Variants in SRGAP2B observed in about 807,000 individuals in gnomAD.
The protein encoded by SRGAP2B is SLIT-ROBO Rho GTPase activating protein 2B, also known as SLIT-ROBO Rho GTPase-activating protein 2B.
A neutral mutation model predicts 22.2 loss-of-function variants in SRGAP2B; 9 were observed. That is an observed-to-expected ratio of 0.41 (90% CI 0.24 to 0.71). The LOEUF is 0.71. Among genes scored for constraint, SRGAP2B ranks in the 30% least tolerant of loss-of-function variants. SRGAP2B has a pLI of 0.35. For missense variants in SRGAP2B, 114 were observed against 235.8 expected, an observed-to-expected ratio of 0.48 and a Z score of 3.38; for synonymous variants, 36 against 87.4, an observed-to-expected ratio of 0.41 and a Z score of 3.28.
In SRGAP2B at chr1:145,016,891, C is replaced by T. The variant is rs587730939; in HGVS notation, c.68-21691G>A. Among the ~76,000 whole-genome samples, 224 of 149,246 alleles carry T rather than the reference C, an allele frequency of 1.5e-3. 3 individuals carry two copies. The highest frequency in any genetic ancestry group is 3.1e-3 in the Admixed American group (46 of 15,048). ...TGAGACGGAGTCTCACTCTGTCGCC[C>T]AGGCTGGAGTGCAGTGGTGCGATCT... On this transcript the variant is annotated intron_variant, in intron 2 of 9. Transcript: ENST00000612199.
intron 2 of SRGAP2B, among the ~76,000 whole-genome samples, chr1:145,063,490 G>A (rs1651137430): frequency 7.2e-6 from 1 of 138,514 alleles, no homozygotes; most frequent in South Asian, 2.5e-4. Flanking sequence ...AATGAGAAGT[G>A]ATTAAGGGCT....
intron 4 of SRGAP2B, among the ~76,000 whole-genome samples, chr1:144,943,996 C>A (rs1482872353): frequency 6.7e-6 from 1 of 149,664 alleles, no homozygotes; most frequent in Non-Finnish European, 1.5e-5. Context: ...CCATGGAAAC[C>A]CCAGAAAGGC....
chr1:145,025,922 G>C (rs1309133970), intron 2 of SRGAP2B, among the ~76,000 whole-genome samples: 4 of 150,192 alleles, frequency 2.7e-5, no homozygotes. Context: ...CAATGGTCTG[G>C]GGGTACCTAC....
chr1:145,010,718 T>C (rs1671991176), intron 2 of SRGAP2B, among the ~76,000 whole-genome samples: 1 of 150,670 alleles, frequency 6.6e-6, no homozygotes, highest in South Asian at 2.1e-4. Flanking sequence ...TGTTTATGTG[T>C]ACCAAATGTT....
At chr1:144,908,732 ATATT>A (rs1223975782) in intron 5 of SRGAP2B, among the ~76,000 whole-genome samples, 1 of 141,254 alleles carries the variant, frequency 7.1e-6, no homozygotes, top group African/African-American at 2.7e-5. Context: ...TTATAAATAT[ATATT>A]TATAGTCAAG....
rs1239141639 is a variant in SRGAP2B, at chr1:144,967,516, C to T, written c.261-11915G>A. 3.7e-3 allele frequency among the ~76,000 whole-genome samples: 552 copies of T among 148,278 alleles called. 7 individuals are homozygous for T. Among genetic ancestry groups the T allele is most frequent in the Middle Eastern group, 6.8e-3 (2 of 292 alleles). Reference sequence around the variant, plus strand: ...AGTGTGTAGAGGGAAATTTATAGCACTAAATCCCCACAAGAGAAAGCAGGA... The same window carrying T: ...AGTGTGTAGAGGGAAATTTATAGCATTAAATCCCCACAAGAGAAAGCAGGA... On this transcript the variant is annotated intron_variant, in intron 3 of 9. Transcript: ENST00000612199.
intron 4 of SRGAP2B, among the ~76,000 whole-genome samples, chr1:144,939,783 G>C (rs1215103621): frequency 1.4e-5 from 2 of 145,974 alleles, no homozygotes; most frequent in Non-Finnish European, 3.0e-5. Context: ...CTGACTCTGA[G>C]AGCAGCAAAA....
intron 2 of SRGAP2B, among the ~76,000 whole-genome samples, chr1:145,036,069 A>G (rs1357623569): frequency 7.2e-5 from 10 of 138,920 alleles, no homozygotes; most frequent in Admixed American, 7.1e-4. Flanking sequence ...CCACTAAGAC[A>G]CAACCACCCA....
At chr1:145,036,393 C>A (rs1553626658) in intron 2 of SRGAP2B, among the ~76,000 whole-genome samples, 1 of 140,166 alleles carries the variant, frequency 7.1e-6, no homozygotes, top group Admixed American at 7.2e-5. Context: ...AAAGAGAGTG[C>A]CTTCCTTTGC....
At chr1:144,990,711 TGG>T (rs1193754592) in intron 3 of SRGAP2B, among the ~76,000 whole-genome samples, 1 of 150,774 alleles carries the variant, frequency 6.6e-6, no homozygotes, top group South Asian at 2.1e-4. Context: ...GAGTTCCGGG[TGG>T]GCTTGGGCTT....
At chr1:144,970,798 A>AT (rs1451746962) in intron 3 of SRGAP2B, among the ~76,000 whole-genome samples, 1 of 150,190 alleles carries the variant, frequency 6.7e-6, no homozygotes, top group Non-Finnish European at 1.5e-5. Context: ...AAATAAATAA[A>AT]AAATAAATAA....
intron 2 of SRGAP2B, among the ~76,000 whole-genome samples, chr1:144,995,823 G>GAAGCAC (rs1331618302): frequency 6.6e-6 from 1 of 151,034 alleles, no homozygotes; most frequent in Non-Finnish European, 1.5e-5. Flanking sequence ...CAAAACAAAA[G>GAAGCAC]AAGCACAAGA....
At chr1:144,966,648 C>T (rs1553612302) in intron 3 of SRGAP2B, among the ~76,000 whole-genome samples, 1 of 146,452 alleles carries the variant, frequency 6.8e-6, no homozygotes, top group African/African-American at 2.8e-5. Context: ...ACAATATTAA[C>T]CTTAAATGTA....
chr1:145,064,147 T>C (rs1301896012), intron 2 of SRGAP2B, among the ~76,000 whole-genome samples: 8 of 145,374 alleles, frequency 5.5e-5, no homozygotes, highest in African/African-American at 1.9e-4. Context: ...ACTTCAGATA[T>C]ACACACTTGG....
intron 4 of SRGAP2B, among the ~76,000 whole-genome samples, chr1:144,933,204 G>T (rs1665342575): frequency 6.9e-6 from 1 of 145,730 alleles, no homozygotes; most frequent in African/African-American, 2.6e-5. Flanking sequence ...TATCTTAGGA[G>T]CTGATTTGAA....
At chr1:144,929,641 A>G (rs1665029776) in intron 4 of SRGAP2B, among the ~76,000 whole-genome samples, 1 of 151,274 alleles carries the variant, frequency 6.6e-6, no homozygotes, top group Non-Finnish European at 1.5e-5. Context: ...AGGCCTAATT[A>G]TTTATAACTG....
In SRGAP2B at chr1:145,045,273, G is replaced by C. The variant is rs1571082469; in HGVS notation, c.67+47562C>G. ...GATCTAGCCACTGCACTCCAGCCTG[G>C]GGGACGGAGCGAGACTCCGCCTCAA... On this transcript the variant is annotated intron_variant, in intron 2 of 9. Coordinates refer to ENST00000612199, the Ensembl canonical transcript of SRGAP2B. Among the ~76,000 whole-genome samples, 5 of 123,800 alleles carry C rather than the reference G, an allele frequency of 4.0e-5. 1 individual carries two copies. The East Asian group carries it at 1.1e-3, about 28-fold the overall frequency. The allele number at this position is 123,800 out of a possible 152,430, so 81.2% of individuals were successfully genotyped here.
exon 10 of SRGAP2B, chr1:144,889,269 T>A (rs1405485680): frequency 6.8e-6 from 1 of 147,468 alleles, no homozygotes; most frequent in Non-Finnish European, 1.5e-5. Context: ...TATTTTTTAA[T>A]TTTTCAAATG....
chr1:145,073,179 A>C (rs1652273717), intron 2 of SRGAP2B, among the ~76,000 whole-genome samples: 1 of 150,470 alleles, frequency 6.6e-6, no homozygotes, highest in Non-Finnish European at 1.5e-5. Context: ...AGAAGCTGCA[A>C]AAGGAGGTCA....
Sources: gnomAD v4.1 joint callset for allele counts (sites outside exome capture counted in the v4.1 genomes callset) on GRCh38, gnomAD v4.1.1 for gene constraint, MANE v1.5 for transcripts, NCBI Gene and HGNC (gene_info 2026-07-23, HGNC 2026-07-21) for gene names.